ATP13A5: variants seen among roughly 807,000 people sequenced by gnomAD.
The protein encoded by ATP13A5 is ATPase 13A5, also known as probable cation-transporting ATPase 13A5.
Under a neutral mutation model 150.2 loss-of-function variants are expected in ATP13A5, and 149 were observed. The ratio of observed to expected loss-of-function variants is 0.99; its 90% CI spans 0.87 to 1.14. The LOEUF (loss-of-function observed/expected upper bound fraction) is 1.14. Ranked by LOEUF, ATP13A5 falls within the 50% of genes most tolerant of loss-of-function variation. The pLI is 0.00. For missense variants in ATP13A5, 1,383 were observed against 1,449.3 expected (o/e 0.95, Z 0.74); for synonymous variants, 497 against 522.2 (o/e 0.95, Z 0.66).
chr3:193,334,829 C>A, intron 10 of ATP13A5, 100 bp downstream of exon 10: 1 of 1,061,606 alleles, frequency 9.4e-7, no homozygotes, highest in Non-Finnish European at 1.4e-6. Flanking sequence ...TTGTTACTAC[C>A]AGAATGTGGC....
At chr3:193,365,471 T>C (rs1008544753) in intron 1 of ATP13A5, among the ~76,000 whole-genome samples, 1 of 152,192 alleles carries the variant, frequency 6.6e-6, no homozygotes, top group Non-Finnish European at 1.5e-5. Flanking sequence ...ACCCTGCTTT[T>C]AAGCATGTTT....
chr3:193,317,246 G>A (rs933837288), intron 17 of ATP13A5, among the ~76,000 whole-genome samples: 4 of 152,124 alleles, frequency 2.6e-5, no homozygotes, highest in Non-Finnish European at 5.9e-5. Context: ...TTTGCTGATT[G>A]CCTAGGCAAA....
chr3:193,362,750 CTTCTTTCTTTCTTTCTTTCT>C (rs751840109), intron 3 of ATP13A5, 113 bp from the exon 4 acceptor site: 69,866 of 627,546 alleles, frequency 0.11, 9,499 homozygotes, highest in Non-Finnish European at 0.12. Context: ...ACTTGCTTTC[CTTCTTTCTTTCTTTCTTTCT>C]TTCTTTCTTT....
At chr3:193,334,834 T>C in intron 10 of ATP13A5, 95 bp downstream of exon 10, 1 of 1,115,882 alleles carries the variant, frequency 9.0e-7, no homozygotes, top group Non-Finnish European at 1.3e-6. Context: ...ACTACCAGAA[T>C]GTGGCAGACT....
chr3:193,278,193 T>C (rs1262439875), intron 28 of ATP13A5, among the ~76,000 whole-genome samples: 1 of 152,212 alleles, frequency 6.6e-6, no homozygotes, highest in Non-Finnish European at 1.5e-5. Flanking sequence ...TTTGTAACTC[T>C]AGTACCAAAC....
At chr3:193,323,857 C>T (rs899075656) in intron 14 of ATP13A5, 5 of 152,176 alleles carry the variant, frequency 3.3e-5, no homozygotes, top group Admixed American at 3.3e-4. Context: ...GCTTTGTTTC[C>T]CTGCAATCAT....
chr3:193,364,031 C>A, intron 2 of ATP13A5, 76 bp downstream of exon 2: 1 of 1,444,638 alleles, frequency 6.9e-7, no homozygotes, highest in South Asian at 1.3e-5. Flanking sequence ...ATAATACCAG[C>A]CACAGAGTTA....
intron 9 of ATP13A5, among the ~76,000 whole-genome samples, chr3:193,337,430 G>A (rs1158003396): frequency 3.3e-5 from 5 of 152,126 alleles, no homozygotes; most frequent in African/African-American, 1.2e-4. Flanking sequence ...TGTAAGGAAG[G>A]GATCCAATTT....
chr3:193,275,476 G>A (rs1298993969), intron 29 of ATP13A5, among the ~76,000 whole-genome samples, 174 bp from the exon 30 acceptor site: 1 of 152,156 alleles, frequency 6.6e-6, no homozygotes, highest in Non-Finnish European at 1.5e-5. Flanking sequence ...GAAGCTAGAG[G>A]GTGCTTGTTT....
intron 5 of ATP13A5, among the ~76,000 whole-genome samples, chr3:193,356,224 T>G (rs938158027): frequency 1.3e-5 from 2 of 151,894 alleles, no homozygotes; most frequent in African/African-American, 4.8e-5. Context: ...TTCATTATAG[T>G]GCATATAATT....
Position 193,344,067 on chromosome 3 carries a change from CAA to C in ATP13A5, c.815-14_815-13del, listed in dbSNP as rs1183341427. 2 of 1,609,882 alleles carry C rather than the reference CAA, an allele frequency of 1.2e-6. No individual in the cohort carries two copies. Among genetic ancestry groups the C allele is most frequent in the Admixed American group, 3.4e-5 (2 of 59,270 alleles). ...CAGCTCCTCCAAACCTACACCAAAG[CAA>C]AGTTTCCATGAATAGCTGACCTTTT... On this transcript the variant is annotated splice_polypyrimidine_tract_variant and intron_variant, in intron 8 of 29. Coordinates refer to ENST00000342358, the MANE Select transcript of ATP13A5 (RefSeq NM_198505.4).
rs746386566 is a variant in ATP13A5, at chr3:193,362,646, G to A, written c.385-9C>T. On this transcript the variant is annotated splice_polypyrimidine_tract_variant and intron_variant, in intron 3 of 29. Coordinates refer to ENST00000342358, the MANE Select transcript of ATP13A5 (RefSeq NM_198505.4). ...ACTTCCATGCACCGCAGCTACGATT[G>A]CAAATGTGATAGAGCAGGTGTCATT... The A allele has an allele frequency of 3.4e-5, 55 of 1,613,738 alleles. No homozygotes were observed. Among genetic ancestry groups the A allele is most frequent in the Non-Finnish European group, 4.4e-5 (52 of 1,179,750 alleles).
intron 21 of ATP13A5, among the ~76,000 whole-genome samples, chr3:193,309,374 C>T (rs545239004): frequency 6.6e-6 from 1 of 152,280 alleles, no homozygotes; most frequent in East Asian, 1.9e-4. Context: ...GCTATACAAC[C>T]TGCCCCACTA....
rs1351861809 is a variant in ATP13A5 at position 193,331,050 on chromosome 3, T to C, written c.1461+73A>G. 13 of 1,477,566 alleles carry C rather than the reference T, an allele frequency of 8.8e-6. No homozygotes were observed. In the South Asian group the frequency reaches 1.5e-4, roughly 17 times the overall value. 91.5% of individuals were successfully genotyped at this position (1,477,566 alleles called of 1,614,324 possible). ...TAAAATGGGAACACTGGACTAGACA[T>C]TTTCTGAGGTTCTTCCCAGCTCCAC... On this transcript the variant is annotated intron_variant, in intron 12 of 29. Transcript: ENST00000342358.
chr3:193,327,185 AC>A, intron 12 of ATP13A5, 128 bp from the exon 13 acceptor site: 1 of 786,624 alleles, frequency 1.3e-6, no homozygotes, highest in Non-Finnish European at 2.0e-6. Context: ...GTTTATAAGT[AC>A]CAAATTTTAA....
chr3:193,286,571 C>G (rs995377005), intron 26 of ATP13A5, among the ~76,000 whole-genome samples: 1 of 152,046 alleles, frequency 6.6e-6, no homozygotes, highest in Non-Finnish European at 1.5e-5. Context: ...TTTTGAGATG[C>G]CACGAACTGT....
intron 9 of ATP13A5, 62 bp from the exon 10 acceptor site, chr3:193,335,161 A>G: frequency 6.7e-7 from 1 of 1,499,792 alleles, no homozygotes; most frequent in Non-Finnish European, 9.2e-7. Flanking sequence ...GAACTGGTGC[A>G]TGCCAGTTTC....
chr3:193,331,404 C>A, intron 11 of ATP13A5, 93 bp from the exon 12 acceptor site: 1 of 1,205,260 alleles, frequency 8.3e-7, no homozygotes, highest in Non-Finnish European at 1.1e-6. Context: ...TTGTCTCCTA[C>A]TGCAGAGCAA....
chr3:193,291,750 A>T (rs923007449), intron 25 of ATP13A5, among the ~76,000 whole-genome samples: 2 of 152,004 alleles, frequency 1.3e-5, no homozygotes, highest in African/African-American at 4.8e-5. Flanking sequence ...AGTACTCTGC[A>T]TATTGTCACC....
Sources: allele counts gnomAD v4.1 joint callset (sites outside exome capture counted in the v4.1 genomes callset), GRCh38; gene constraint gnomAD v4.1.1; transcripts MANE v1.5; gene names NCBI Gene and HGNC (gene_info 2026-07-23, HGNC 2026-07-21).